Variants in SPOCK1 observed in about 807,000 individuals in gnomAD.
The protein encoded by SPOCK1 is SPARC (osteonectin), cwcv and kazal like domains proteoglycan 1.
In SPOCK1, 23 loss-of-function variants were observed where a neutral mutation model predicts 55.3. The observed-to-expected ratio is 0.42, with a 90% CI of 0.30 to 0.59. The LOEUF is 0.59. Among genes scored for constraint, SPOCK1 ranks in the 20% least tolerant of loss-of-function variants. The pLI is 0.22. For synonymous variants in SPOCK1, 226 were observed against 221.0 expected (o/e 1.02, Z -0.20); for missense variants, 499 against 552.5 (o/e 0.90, Z 0.97).
intron 4 of SPOCK1, among the ~76,000 whole-genome samples, chr5:137,114,340 G>T (rs1239390758): frequency 6.6e-6 from 1 of 152,166 alleles, no homozygotes; most frequent in African/African-American, 2.4e-5. Context: ...GCACACAGCT[G>T]TAGAGAGTGT....
intron 3 of SPOCK1, among the ~76,000 whole-genome samples, chr5:137,204,853 C>T (rs772165895): frequency 3.3e-5 from 5 of 152,158 alleles, no homozygotes; most frequent in Non-Finnish European, 7.4e-5. Context: ...ACCCTAGAAG[C>T]ACTCGCCTCT....
chr5:137,324,455 G>T (rs1440916653), intron 2 of SPOCK1, among the ~76,000 whole-genome samples: 1 of 150,952 alleles, frequency 6.6e-6, no homozygotes, highest in Non-Finnish European at 1.5e-5. Flanking sequence ...AAAAATAAGA[G>T]AGAGAGAAAA....
intron 2 of SPOCK1, among the ~76,000 whole-genome samples, chr5:137,317,914 A>T (rs995044591): frequency 6.6e-6 from 1 of 152,116 alleles, no homozygotes; most frequent in African/African-American, 2.4e-5. Context: ...TTCTCAGTAG[A>T]CACTTTATTT....
At chr5:137,417,027 G>C (rs926188841) in intron 2 of SPOCK1, among the ~76,000 whole-genome samples, 2 of 151,908 alleles carry the variant, frequency 1.3e-5, no homozygotes, top group Admixed American at 6.6e-5. Context: ...TTGGGTATAA[G>C]TCCTTTGTCA....
At chr5:137,459,750 G>C (rs1174825576) in intron 2 of SPOCK1, among the ~76,000 whole-genome samples, 4 of 152,094 alleles carry the variant, frequency 2.6e-5, no homozygotes. Context: ...AGATAAAAAG[G>C]TAAAATAACT....
intron 3 of SPOCK1, among the ~76,000 whole-genome samples, chr5:137,188,540 T>C (rs1755116356): frequency 6.6e-6 from 1 of 152,230 alleles, no homozygotes; most frequent in Admixed American, 6.5e-5. Flanking sequence ...GTATATGAGA[T>C]GGTGAACTTC....
chr5:137,301,858 A>G (rs191485937), intron 2 of SPOCK1, among the ~76,000 whole-genome samples: 43 of 152,242 alleles, frequency 2.8e-4, no homozygotes, highest in Admixed American at 9.2e-4. Context: ...AATTTTCTCT[A>G]AACAGTACTG....
chr5:137,034,496 T>C (rs1317015467), intron 6 of SPOCK1, among the ~76,000 whole-genome samples: 1 of 152,218 alleles, frequency 6.6e-6, no homozygotes, highest in African/African-American at 2.4e-5. Flanking sequence ...TGATGGCAGA[T>C]GGCATGACGG....
chr5:137,131,725 T>G (rs1321957451), intron 4 of SPOCK1, among the ~76,000 whole-genome samples: 1 of 148,954 alleles, frequency 6.7e-6, no homozygotes, highest in Admixed American at 6.7e-5. Flanking sequence ...GTAATCCCAG[T>G]ACTTTGGGAG....
Position 137,050,495 on chromosome 5 carries a change from C to T in SPOCK1, c.589+17220G>A, listed in dbSNP as rs1000691850. On this transcript the variant is annotated intron_variant, in intron 6 of 10. Transcript: ENST00000394945. The stretch of plus-strand genomic sequence containing the variant: ...GGTGAGGCAATGCCTCGCCCTGCTT[C>T]GGCTCGCGCACGGTGCGCGCACCCA... 8.0e-5 allele frequency among the ~76,000 whole-genome samples: 12 copies of T among 150,606 alleles called. No individual in the cohort carries two copies. In the South Asian group the frequency reaches 1.1e-3, roughly 13 times the overall value.
intron 3 of SPOCK1, among the ~76,000 whole-genome samples, chr5:137,199,923 C>T (rs747678533): frequency 1.3e-5 from 2 of 152,162 alleles, no homozygotes; most frequent in Non-Finnish European, 2.9e-5. Flanking sequence ...CTGCTGCCAG[C>T]CCCCTCTAGA....
chr5:137,247,966 C>T (rs555079884), intron 3 of SPOCK1, among the ~76,000 whole-genome samples: 1 of 152,300 alleles, frequency 6.6e-6, no homozygotes, highest in East Asian at 1.9e-4. Flanking sequence ...AACATCGAAA[C>T]ATTGGGGATC....
chr5:137,291,345 C>T (rs1022535723), intron 2 of SPOCK1, among the ~76,000 whole-genome samples: 1 of 152,168 alleles, frequency 6.6e-6, no homozygotes, highest in Non-Finnish European at 1.5e-5. Context: ...TGATTACTGG[C>T]CCTATTTGAA....
At chr5:137,320,217 T>C (rs1479986158) in intron 2 of SPOCK1, among the ~76,000 whole-genome samples, 2 of 152,192 alleles carry the variant, frequency 1.3e-5, no homozygotes, top group Non-Finnish European at 2.9e-5. Flanking sequence ...TGTTCCAGCT[T>C]TTCAGGAAAC....
chr5:137,266,479 G>A (rs1756855256), intron 3 of SPOCK1, among the ~76,000 whole-genome samples: 1 of 152,126 alleles, frequency 6.6e-6, no homozygotes, highest in Non-Finnish European at 1.5e-5. Context: ...GGTGGAGAAA[G>A]CCTTCTGTGG....
chr5:137,319,951 C>CAAAAAAAAA (rs55836854), intron 2 of SPOCK1, among the ~76,000 whole-genome samples: 2 of 85,586 alleles, frequency 2.3e-5, no homozygotes, highest in Non-Finnish European at 4.5e-5. Flanking sequence ...GACTCCGTCT[C>CAAAAAAAAA]AAAAAAAAAA....
At chr5:137,286,553 A>G (rs1757270098) in intron 2 of SPOCK1, among the ~76,000 whole-genome samples, 1 of 152,196 alleles carries the variant, frequency 6.6e-6, no homozygotes. Context: ...TACTAGGCCC[A>G]TGGTGGCTGC....
chr5:137,242,851 T>G (rs1756313168), intron 3 of SPOCK1, among the ~76,000 whole-genome samples: 1 of 152,212 alleles, frequency 6.6e-6, no homozygotes, highest in South Asian at 2.1e-4. Flanking sequence ...GCGGAGAACA[T>G]TGTGTATAAC....
intron 6 of SPOCK1, among the ~76,000 whole-genome samples, chr5:137,007,860 T>C (rs1751280071): frequency 1.3e-5 from 2 of 152,088 alleles, no homozygotes; most frequent in Non-Finnish European, 2.9e-5. Context: ...TGTGGCACTA[T>C]TCACAATAGC....
Sources: gnomAD v4.1 joint callset for allele counts (sites outside exome capture counted in the v4.1 genomes callset) on GRCh38, gnomAD v4.1.1 for gene constraint, MANE v1.5 for transcripts, NCBI Gene and HGNC (gene_info 2026-07-23, HGNC 2026-07-21) for gene names.